GDA: variants seen among roughly 807,000 people sequenced by gnomAD.
GDA encodes guanine deaminase.
GDA carries 18 observed loss-of-function variants against 59.6 expected under a neutral mutation model. The observed-to-expected ratio is 0.30, with a 90% CI of 0.21 to 0.45. The LOEUF (loss-of-function observed/expected upper bound fraction) is 0.45. Among genes scored for constraint, GDA ranks in the 20% least tolerant of loss-of-function variants. The pLI, the probability that GDA is intolerant of heterozygous loss-of-function variation, is 1.00. For synonymous variants in GDA, 201 were observed against 201.1 expected, an observed-to-expected ratio of 1.00 and a Z score of 0.00; for missense variants, 427 against 552.3, an observed-to-expected ratio of 0.77 and a Z score of 2.27.
At chr9:72,162,323 T>A (rs1282185041) in intron 1 of GDA, among the ~76,000 whole-genome samples, 1 of 152,192 alleles carries the variant, frequency 6.6e-6, no homozygotes, top group Non-Finnish European at 1.5e-5. Context: ...TGGATCAGTA[T>A]ACAGTTTCTA....
At chr9:72,254,650 C>T (rs749419839), downstream of GDA, among the ~76,000 whole-genome samples, 4 of 152,172 alleles carry the variant, frequency 2.6e-5, no homozygotes, top group African/African-American at 4.8e-5. Flanking sequence ...GACATCCACT[C>T]ACTTGAAAAC....
intron 1 of GDA, among the ~76,000 whole-genome samples, chr9:72,178,889 A>C (rs1317473315): frequency 6.6e-6 from 1 of 152,048 alleles, no homozygotes; most frequent in Non-Finnish European, 1.5e-5. Context: ...ACATTTTAAA[A>C]ATTTTCTGAT....
At chr9:72,200,861 G>A (rs904765871) in intron 2 of GDA, among the ~76,000 whole-genome samples, 15 of 152,038 alleles carry the variant, frequency 9.9e-5, no homozygotes, top group Admixed American at 3.9e-4. Flanking sequence ...ATTCCATCAC[G>A]TGGAACGTAG....
At chr9:72,191,433 G>A (rs1234106379) in intron 1 of GDA, among the ~76,000 whole-genome samples, 1 of 151,712 alleles carries the variant, frequency 6.6e-6, no homozygotes, top group Non-Finnish European at 1.5e-5. Context: ...GATGGCTGGT[G>A]GACTGGGCAA....
intron 1 of GDA, among the ~76,000 whole-genome samples, chr9:72,140,258 C>T (rs976795342): frequency 7.2e-5 from 11 of 152,162 alleles, no homozygotes; most frequent in Admixed American, 2.0e-4. Context: ...AAGGTCGCTT[C>T]GCTTTTTCTT....
intron 12 of GDA, among the ~76,000 whole-genome samples, chr9:72,246,482 T>A (rs1200407989): frequency 1.7e-4 from 26 of 152,206 alleles, no homozygotes; most frequent in Admixed American, 1.7e-3. Flanking sequence ...ATAGGTGCCT[T>A]CATAAGGAAG....
At chr9:72,143,717 G>A (rs1826523810) in intron 1 of GDA, among the ~76,000 whole-genome samples, 1 of 152,130 alleles carries the variant, frequency 6.6e-6, no homozygotes, top group Non-Finnish European at 1.5e-5. Context: ...AAAAAGAAGA[G>A]GTAGCTTTCC....
At chr9:72,198,758 C>CCTGTAT (rs1177079438) in intron 2 of GDA, among the ~76,000 whole-genome samples, 4 of 150,070 alleles carry the variant, frequency 2.7e-5, no homozygotes, top group African/African-American at 9.9e-5. Flanking sequence ...TTGATATATA[C>CCTGTAT]CTGTATTGTT....
At chr9:72,131,393 A>G (rs1407883894) in intron 1 of GDA, among the ~76,000 whole-genome samples, 2 of 152,176 alleles carry the variant, frequency 1.3e-5, no homozygotes, top group Non-Finnish European at 2.9e-5. Flanking sequence ...TTTTGTAGCT[A>G]TAGAGAAATA....
Position 72,249,783 on chromosome 9 carries a change from A to T in GDA, c.*1441A>T. 1.2e-6 allele frequency: 1 copy of T among 865,328 alleles called. No individual in the cohort carries two copies. The highest frequency in any genetic ancestry group is 1.4e-6 in the Non-Finnish European group (1 of 720,508). The allele number at this position is 865,328 out of a possible 1,614,324, so 53.6% of individuals were successfully genotyped here. ...TAGAGCTTAGGGGTGACTCTTTAAT[A>T]TTACCTTATAGTAGAAACTTTATGT... On this transcript the variant is annotated 3_prime_UTR_variant, in exon 14 of 14. Coordinates refer to ENST00000358399, the MANE Select transcript of GDA (RefSeq NM_004293.5).
At position 72,159,979 on chromosome 9, in the gene GDA, A is replaced by T. The variant is rs1481304769; in HGVS notation, c.123+10297A>T. On this transcript the variant is annotated intron_variant, in intron 1 of 13. Transcript: ENST00000358399. ...GTATTCAGAATATTGTACAACTACC[A>T]CCACACTGACCATGATCTAGTTCAA... is the stretch of plus-strand genomic sequence containing the variant. Among the ~76,000 whole-genome samples, 5 of 152,102 alleles carry T rather than the reference A, an allele frequency of 3.3e-5. No individual in the cohort carries two copies. In the East Asian group the frequency reaches 9.6e-4, roughly 29 times the overall value.
intron 1 of GDA, among the ~76,000 whole-genome samples, chr9:72,144,324 G>T: frequency 6.6e-6 from 1 of 152,128 alleles, no homozygotes; most frequent in Non-Finnish European, 1.5e-5. Context: ...CAATTGTTAA[G>T]TGCCTTGTAT....
chr9:72,250,592 TC>T lies in GDA; in HGVS notation c.*2251del. The stretch of plus-strand genomic sequence containing the variant: ...CCTGAATGTTATGTATGCTTTTTTT[TC>T]TGTACCACAGGCATTATCTATACCT... On this transcript the variant is annotated 3_prime_UTR_variant, in exon 14 of 14. Transcript: ENST00000358399. 6.6e-7 allele frequency: 1 copy of T among 1,505,418 alleles called. No homozygotes were observed. The highest frequency in any genetic ancestry group is 8.8e-7 in the Non-Finnish European group (1 of 1,135,830). The allele number at this position is 1,505,418 out of a possible 1,614,324, so 93.3% of individuals were successfully genotyped here.
intron 1 of GDA, among the ~76,000 whole-genome samples, chr9:72,121,873 CTT>C (rs1434298713): frequency 6.6e-6 from 1 of 152,210 alleles, no homozygotes; most frequent in Non-Finnish European, 1.5e-5. Context: ...CCTTTAATAA[CTT>C]GACTTAGAGC....
At position 72,248,749 on chromosome 9, in the gene GDA, T is replaced by A. The variant is rs1840407527; in HGVS notation, c.*407T>A. ...AATTAGAAGACTGAAAATGGACCCA[T>A]GAGAGTATATTTTTATGAGGGAGCA... On this transcript the variant is annotated 3_prime_UTR_variant, in exon 14 of 14. Coordinates refer to ENST00000358399, the MANE Select transcript of GDA (RefSeq NM_004293.5). The A allele has an allele frequency of 1.0e-6, 1 of 996,522 alleles. No homozygotes were observed. Among genetic ancestry groups the A allele is most frequent in the Non-Finnish European group, 1.2e-6 (1 of 834,492 alleles). 61.7% of individuals were successfully genotyped at this position (996,522 alleles called of 1,614,324 possible).
Position 72,178,533 on chromosome 9 carries a change from C to T in GDA, c.124-16967C>T, listed in dbSNP as rs540731570. ...CCCGGGTTCAAGCAATTCTCCTGCC[C>T]TAGCCTCCCGAGTAGCTGGGATTAC... is the stretch of plus-strand genomic sequence containing the variant. On this transcript the variant is annotated intron_variant, in intron 1 of 13. Transcript: ENST00000358399. Among the ~76,000 whole-genome samples, 1,203 of 151,688 alleles carry T rather than the reference C, an allele frequency of 7.9e-3. 20 individuals are homozygous for T. The highest frequency in any genetic ancestry group is 0.028 in the African/African-American group (1,159 of 41,304).
At chr9:72,233,806 G>A (rs888172561) in intron 10 of GDA, among the ~76,000 whole-genome samples, 32 of 152,266 alleles carry the variant, frequency 2.1e-4, no homozygotes, top group Admixed American at 1.2e-3. Context: ...GCTGGGCATG[G>A]TGACATGCAC....
upstream of GDA, chr9:72,149,254 G>C: frequency 2.6e-6 from 1 of 388,294 alleles, no homozygotes; most frequent in Non-Finnish European, 4.7e-6. Flanking sequence ...CTCAGCTGTG[G>C]TTGATCTTGA....
chr9:72,183,452 T>G (rs1183628966), intron 1 of GDA, among the ~76,000 whole-genome samples: 1 of 151,788 alleles, frequency 6.6e-6, no homozygotes, highest in African/African-American at 2.4e-5. Flanking sequence ...TGGGGCTATA[T>G]GAATGGAAGG....
Sources: gnomAD v4.1 joint callset for allele counts (sites outside exome capture counted in the v4.1 genomes callset) on GRCh38, gnomAD v4.1.1 for gene constraint, MANE v1.5 for transcripts, NCBI Gene and HGNC (gene_info 2026-07-23, HGNC 2026-07-21) for gene names.